CHRM3: variants seen among roughly 807,000 people sequenced by gnomAD.
The protein encoded by CHRM3 is muscarinic acetylcholine receptor M3.
CHRM3 carries 11 observed loss-of-function variants against 41.8 expected under a neutral mutation model. The ratio of observed to expected loss-of-function variants is 0.26; its 90% CI spans 0.17 to 0.44. CHRM3 has a LOEUF of 0.44. Ranked by LOEUF, CHRM3 falls within the 20% of genes least tolerant of loss-of-function variation. The pLI is 1.00. For synonymous variants in CHRM3, 297 were observed against 301.4 expected (o/e 0.99, Z 0.15); for missense variants, 571 against 745.4 (o/e 0.77, Z 2.72).
rs181977644 is a variant in CHRM3 at position 239,733,492 on chromosome 1, T to C, written c.-147+55204T>C. ...CATCTAGTAAGCATCTGAGAAATAT[T>C]TCATTACTATACTTATTTAGTTATT... On this transcript the variant is annotated intron_variant, in intron 5 of 6. Coordinates refer to ENST00000676153, the MANE Select transcript of CHRM3 (RefSeq NM_001375978.1). Among the ~76,000 whole-genome samples the C allele has an allele frequency of 2.0e-5, 3 of 152,166 alleles. No individual in the cohort carries two copies. In the East Asian group the frequency reaches 5.8e-4, roughly 29 times the overall value.
At chr1:239,633,192 C>T (rs574217844) in intron 4 of CHRM3, among the ~76,000 whole-genome samples, 1 of 152,140 alleles carries the variant, frequency 6.6e-6, no homozygotes, top group South Asian at 2.1e-4. Context: ...AGGATGGTCT[C>T]GATCTCCTGA....
intron 2 of CHRM3, among the ~76,000 whole-genome samples, chr1:239,531,187 A>C (rs2148329158): frequency 6.6e-6 from 1 of 152,304 alleles, no homozygotes; most frequent in South Asian, 2.1e-4. Flanking sequence ...TAATAACAAT[A>C]ATGATAATAA....
chr1:239,845,588 C>A (rs980180303), intron 6 of CHRM3, among the ~76,000 whole-genome samples: 1 of 152,174 alleles, frequency 6.6e-6, no homozygotes, highest in Non-Finnish European at 1.5e-5. Context: ...TGAGCTTGGA[C>A]CCACCATTTG....
At chr1:239,547,171 G>A (rs1659377969) in intron 3 of CHRM3, among the ~76,000 whole-genome samples, 1 of 152,100 alleles carries the variant, frequency 6.6e-6, no homozygotes, top group Non-Finnish European at 1.5e-5. Context: ...CTTAATAACA[G>A]GTAACATATT....
At chr1:239,423,269 A>G (rs185408112) in intron 1 of CHRM3, among the ~76,000 whole-genome samples, 12 of 152,344 alleles carry the variant, frequency 7.9e-5, no homozygotes, top group African/African-American at 2.6e-4. Context: ...GATGATCCTC[A>G]TATTTTTGCA....
intron 5 of CHRM3, among the ~76,000 whole-genome samples, chr1:239,776,714 G>A (rs1396294119): frequency 6.6e-6 from 1 of 152,154 alleles, no homozygotes; most frequent in Admixed American, 6.5e-5. Context: ...ACCTGAGACT[G>A]GGTAATTTAT....
At chr1:239,569,905 A>G (rs977897763) in intron 3 of CHRM3, among the ~76,000 whole-genome samples, 1 of 152,198 alleles carries the variant, frequency 6.6e-6, no homozygotes, top group Admixed American at 6.5e-5. Context: ...GATTTATCCC[A>G]CTGTGGTATT....
chr1:239,554,299 C>T (rs950630117), intron 3 of CHRM3, among the ~76,000 whole-genome samples: 2 of 152,100 alleles, frequency 1.3e-5, no homozygotes, highest in African/African-American at 2.4e-5. Flanking sequence ...TTCGAGTATT[C>T]TATTTATTCA....
At chr1:239,762,235 G>A (rs73125229) in intron 5 of CHRM3, among the ~76,000 whole-genome samples, 2,376 of 152,186 alleles carry the variant, frequency 0.016, 67 homozygotes, top group African/African-American at 0.054. Flanking sequence ...ACCAAAGTTT[G>A]TGAATCCCTC....
chr1:239,776,918 A>C (rs1165612501), intron 5 of CHRM3, among the ~76,000 whole-genome samples: 2 of 152,156 alleles, frequency 1.3e-5, no homozygotes, highest in African/African-American at 4.8e-5. Context: ...CTATCATGAG[A>C]ACAGCATGGA....
In CHRM3 at chr1:239,859,432, G is replaced by GTT. The variant is rs141776323; in HGVS notation, c.-20+32064_-20+32065dup. 8.9e-3 allele frequency among the ~76,000 whole-genome samples: 1,214 copies of GTT among 136,424 alleles called. 20 individuals are homozygous for GTT. Among genetic ancestry groups the GTT allele is most frequent in the African/African-American group, 0.032 (1,168 of 36,288 alleles). 89.5% of individuals were successfully genotyped at this position (136,424 alleles called of 152,430 possible). ...GTTGTTGTTGTTGTTTTTTTTTTTT[G>GTT]TTTTTTTTTTTGAGGTGGAGTCTCA... On this transcript the variant is annotated intron_variant, in intron 6 of 6. Coordinates refer to ENST00000676153, the MANE Select transcript of CHRM3 (RefSeq NM_001375978.1).
intron 3 of CHRM3, among the ~76,000 whole-genome samples, chr1:239,614,446 A>AT (rs1178027294): frequency 1.3e-5 from 2 of 152,222 alleles, no homozygotes; most frequent in Non-Finnish European, 2.9e-5. Flanking sequence ...GTTACATCGT[A>AT]TTACCAAGAG....
chr1:239,701,401 G>A (rs1660675337), intron 5 of CHRM3, among the ~76,000 whole-genome samples: 1 of 152,166 alleles, frequency 6.6e-6, no homozygotes, highest in East Asian at 1.9e-4. Flanking sequence ...TTCCCACTGG[G>A]TCCTCCATGC....
chr1:239,587,189 G>A (rs1326373244), intron 3 of CHRM3, among the ~76,000 whole-genome samples: 1 of 152,146 alleles, frequency 6.6e-6, no homozygotes, highest in South Asian at 2.1e-4. Flanking sequence ...TCACCTCCAC[G>A]TGCTGTACAG....
intron 6 of CHRM3, among the ~76,000 whole-genome samples, chr1:239,876,537 C>G (rs1447770133): frequency 6.6e-6 from 1 of 152,182 alleles, no homozygotes; most frequent in Non-Finnish European, 1.5e-5. Flanking sequence ...CCAACTCTCT[C>G]TATGTCTCTA....
At chr1:239,436,331 A>T (rs1663265851) in intron 1 of CHRM3, among the ~76,000 whole-genome samples, 1 of 152,092 alleles carries the variant, frequency 6.6e-6, no homozygotes, top group African/African-American at 2.4e-5. Flanking sequence ...AGGCCCTGGG[A>T]TCCCGTTGGT....
At chr1:239,854,815 ATC>A (rs1295456077) in intron 6 of CHRM3, among the ~76,000 whole-genome samples, 6 of 152,182 alleles carry the variant, frequency 3.9e-5, no homozygotes, top group Non-Finnish European at 2.9e-5. Flanking sequence ...GCATGTTTCC[ATC>A]ATTCTTTTAA....
chr1:239,719,844 C>A (rs963608952), intron 5 of CHRM3, among the ~76,000 whole-genome samples: 1 of 151,978 alleles, frequency 6.6e-6, no homozygotes, highest in African/African-American at 2.4e-5. Flanking sequence ...CCACATCCTT[C>A]CTGCTGCCTG....
chr1:239,596,366 G>A (rs969562875), intron 3 of CHRM3, among the ~76,000 whole-genome samples: 1 of 152,044 alleles, frequency 6.6e-6, no homozygotes, highest in African/African-American at 2.4e-5. Context: ...TTTTTAAGTG[G>A]AAGGAGAGCT....
Sources: allele counts gnomAD v4.1 joint callset (sites outside exome capture counted in the v4.1 genomes callset), GRCh38; gene constraint gnomAD v4.1.1; transcripts MANE v1.5; gene names NCBI Gene and HGNC (gene_info 2026-07-23, HGNC 2026-07-21).